Variants in EXT1 observed in about 807,000 individuals in gnomAD.
The protein encoded by EXT1 is exostosin glycosyltransferase 1.
Under a neutral mutation model 82.5 loss-of-function variants are expected in EXT1, and 20 were observed. That is an observed-to-expected ratio of 0.24 (90% CI 0.17 to 0.35). EXT1 has a LOEUF of 0.35. Among genes scored for constraint, EXT1 ranks in the 10% least tolerant of loss-of-function variants. The probability of loss-of-function intolerance (pLI) is 1.00; values close to 1 mark genes in which losing one functional copy is unlikely to be tolerated. For synonymous variants in EXT1, 348 were observed against 350.8 expected, an observed-to-expected ratio of 0.99 and a Z score of 0.09; for missense variants, 757 against 936.5, an observed-to-expected ratio of 0.81 and a Z score of 2.50.
At chr8:117,853,515 G>C (rs1266388527) in intron 1 of EXT1, among the ~76,000 whole-genome samples, 2 of 152,180 alleles carry the variant, frequency 1.3e-5, no homozygotes, top group Non-Finnish European at 2.9e-5. Flanking sequence ...TCATATCAGA[G>C]CATTCCAGAT....
chr8:117,932,994 C>G (rs1025213364), intron 1 of EXT1, among the ~76,000 whole-genome samples: 1 of 152,070 alleles, frequency 6.6e-6, no homozygotes, highest in Non-Finnish European at 1.5e-5. Context: ...CATACTGGCC[C>G]CCTTCTGTTC....
chr8:118,094,223 C>A (rs1446500803), intron 1 of EXT1, among the ~76,000 whole-genome samples: 3 of 151,980 alleles, frequency 2.0e-5, no homozygotes, highest in African/African-American at 4.8e-5. Context: ...AATAGGAGAA[C>A]GAATTTTTTT....
intron 1 of EXT1, among the ~76,000 whole-genome samples, chr8:117,898,244 G>A (rs1480315917): frequency 6.6e-6 from 1 of 152,124 alleles, no homozygotes; most frequent in African/African-American, 2.4e-5. Flanking sequence ...ATCCCATACT[G>A]GGGTCTCCAC....
intron 1 of EXT1, among the ~76,000 whole-genome samples, chr8:117,864,331 C>T (rs1812735887): frequency 6.6e-6 from 1 of 152,172 alleles, no homozygotes; most frequent in Admixed American, 6.5e-5. Flanking sequence ...GTTTTGCTTG[C>T]CTTTTTTGGG....
chr8:117,806,147 G>C (rs1056852690), intron 9 of EXT1, among the ~76,000 whole-genome samples: 4 of 152,128 alleles, frequency 2.6e-5, no homozygotes, highest in African/African-American at 9.7e-5. Context: ...CTGGTCCCAG[G>C]ATCCCACCAT....
At chr8:117,816,993 G>T (rs1232114976) in intron 7 of EXT1, among the ~76,000 whole-genome samples, 1 of 152,128 alleles carries the variant, frequency 6.6e-6, no homozygotes, top group Non-Finnish European at 1.5e-5. Context: ...CTATTCTATG[G>T]GGGGGATGGA....
At chr8:118,090,091 T>A (rs1433012852) in intron 1 of EXT1, among the ~76,000 whole-genome samples, 3 of 152,066 alleles carry the variant, frequency 2.0e-5, no homozygotes, top group African/African-American at 7.2e-5. Context: ...TGCCAGGTGC[T>A]ATTCTGCAGA....
At chr8:117,804,664 T>G in intron 10 of EXT1, 58 bp downstream of exon 10, 1 of 1,601,232 alleles carries the variant, frequency 6.2e-7, no homozygotes, top group Non-Finnish European at 8.6e-7. Context: ...GAGTCCTCAT[T>G]ACCTGGGGCT....
At chr8:117,911,217 A>C (rs1307865650) in intron 1 of EXT1, among the ~76,000 whole-genome samples, 1 of 152,206 alleles carries the variant, frequency 6.6e-6, no homozygotes, top group Non-Finnish European at 1.5e-5. Context: ...CCAGTTGTGT[A>C]ATTAAGCCAA....
chr8:118,017,715 C>T (rs1204149356), intron 1 of EXT1, among the ~76,000 whole-genome samples: 1 of 152,188 alleles, frequency 6.6e-6, no homozygotes, highest in African/African-American at 2.4e-5. Flanking sequence ...TCTGCATAAT[C>T]TTAATTTAAA....
At chr8:117,951,487 T>C (rs900241068) in intron 1 of EXT1, among the ~76,000 whole-genome samples, 1 of 152,220 alleles carries the variant, frequency 6.6e-6, no homozygotes, top group Non-Finnish European at 1.5e-5. Flanking sequence ...CATACATTCA[T>C]ACAAACTAGA....
chr8:118,004,628 T>C (rs1815737827), intron 1 of EXT1, among the ~76,000 whole-genome samples: 1 of 152,190 alleles, frequency 6.6e-6, no homozygotes, highest in Non-Finnish European at 1.5e-5. Flanking sequence ...GAATGATTAT[T>C]TTCAGTCCTT....
intron 1 of EXT1, among the ~76,000 whole-genome samples, chr8:117,920,947 C>A (rs1476987010): frequency 6.6e-6 from 1 of 152,198 alleles, no homozygotes; most frequent in Admixed American, 6.5e-5. Context: ...TTACAAGACT[C>A]CCCTCGTCCC....
intron 8 of EXT1, among the ~76,000 whole-genome samples, chr8:117,808,367 T>C (rs1337987523): frequency 6.6e-6 from 1 of 152,242 alleles, no homozygotes; most frequent in Non-Finnish European, 1.5e-5. Context: ...GGCTTTTACA[T>C]TCTTCAGTTT....
At chr8:118,034,454 GACA>G (rs1816384844) in intron 1 of EXT1, among the ~76,000 whole-genome samples, 1 of 152,008 alleles carries the variant, frequency 6.6e-6, no homozygotes, top group Non-Finnish European at 1.5e-5. Context: ...GTTAAAGGCT[GACA>G]ACATCTCTCA....
intron 1 of EXT1, among the ~76,000 whole-genome samples, chr8:117,890,856 C>T (rs1434164675): frequency 1.3e-5 from 2 of 152,172 alleles, no homozygotes; most frequent in Non-Finnish European, 1.5e-5. Context: ...TCAGTGCAGC[C>T]GCTACTACAA....
At chr8:117,996,021 T>G (rs891606409) in intron 1 of EXT1, among the ~76,000 whole-genome samples, 8 of 152,178 alleles carry the variant, frequency 5.3e-5, no homozygotes, top group African/African-American at 1.9e-4. Context: ...TCCCAGAACC[T>G]TGCCACTTCT....
In EXT1 at chr8:117,830,339, G is replaced by A. The variant is rs374821962; in HGVS notation, c.1175C>T (p.Thr392Ile). The A allele has an allele frequency of 3.1e-6, 5 of 1,614,010 alleles. No individual in the cohort carries two copies. Among genetic ancestry groups the A allele is most frequent in the Admixed American group, 3.3e-5 (2 of 60,016 alleles). ...DERLLLQIPSTIRSIHQDKIL... is the reference protein window; with the variant it reads ...DERLLLQIPSIIRSIHQDKIL... The stretch of plus-strand genomic sequence containing the variant: ...TTTATCCTGATGAATAGACCTGATT[G>A]TAGAAGGAATCTGTAACACAAGGTG... Residue 392 changes from threonine to isoleucine, a missense_variant, in exon 4 of 11, where the codon ACA becomes ATA. By Grantham distance (89) the Thr-to-Ile change is moderately conservative. This residue lies in a region of EXT1 where 207 missense variants were observed against 224.2 expected (regional missense o/e 0.92). Transcript: ENST00000378204.
intron 1 of EXT1, among the ~76,000 whole-genome samples, chr8:117,921,118 G>C (rs532906616): frequency 1.3e-5 from 2 of 152,258 alleles, no homozygotes; most frequent in East Asian, 3.9e-4. Context: ...GTAACATCCT[G>C]GTGAGGCTGC....
Sources: allele counts gnomAD v4.1 joint callset (sites outside exome capture counted in the v4.1 genomes callset), GRCh38; gene constraint gnomAD v4.1.1; regional missense constraint gnomAD v4.1.1; transcripts MANE v1.5; gene names NCBI Gene and HGNC (gene_info 2026-07-23, HGNC 2026-07-21).